The following ZFR variants were observed in gnomAD, a reference collection of about 807,000 sequenced individuals.
ZFR encodes zinc finger RNA-binding protein.
ZFR carries 19 observed loss-of-function variants against 130.7 expected under a neutral mutation model. The ratio of observed to expected loss-of-function variants is 0.15; its 90% CI spans 0.10 to 0.21. ZFR has a LOEUF of 0.21. ZFR is among the 10% of genes least tolerant of loss of function. The pLI is 1.00. For synonymous variants in ZFR, 466 were observed against 456.9 expected (o/e 1.02, Z -0.25); for missense variants, 872 against 1,321.5 (o/e 0.66, Z 5.27).
chr5:32,415,818 T>C (rs1753814532), intron 4 of ZFR, among the ~76,000 whole-genome samples: 1 of 152,154 alleles, frequency 6.6e-6, no homozygotes, highest in Non-Finnish European at 1.5e-5. Context: ...ACAATGTATA[T>C]TTTGAAAGAG....
rs764420361 is a variant in ZFR, at chr5:32,444,666, G to GGCT, written c.-11_-9dup. 53 of 1,510,618 alleles carry GGCT rather than the reference G, an allele frequency of 3.5e-5. No homozygotes were observed. The highest frequency in any genetic ancestry group is 3.1e-4 in the Admixed American group (14 of 44,518). The allele number at this position is 1,510,618 out of a possible 1,614,324, so 93.6% of individuals were successfully genotyped here. A position where few individuals can be genotyped will look rare whatever the true frequency, so the allele number is the denominator to read the frequency against. ...AGGGCATATGGGAATCATGGGCTCG[G>GGCT]GCTGCTGCTGCTGAACTCTGAACTC... On this transcript the variant is annotated 5_prime_UTR_variant, in exon 1 of 20. Transcript: ENST00000265069.
intron 17 of ZFR, among the ~76,000 whole-genome samples, chr5:32,376,607 C>CA (rs1554071211): frequency 1.7e-3 from 187 of 113,168 alleles, no homozygotes; most frequent in Admixed American, 6.4e-3. Flanking sequence ...GACTCTGTGT[C>CA]AAAAAAAAAG....
At chr5:32,406,258 C>CGTGT (rs1228638737) in intron 6 of ZFR, among the ~76,000 whole-genome samples, 1 of 152,192 alleles carries the variant, frequency 6.6e-6, no homozygotes, top group Non-Finnish European at 1.5e-5. Context: ...CACTTCTTTA[C>CGTGT]ACCTTCCTTG....
At chr5:32,403,443 T>G (rs774755264) in intron 7 of ZFR, 46 bp from the exon 8 acceptor site, 1 of 1,577,814 alleles carries the variant, frequency 6.3e-7, no homozygotes, top group Non-Finnish European at 8.6e-7. Flanking sequence ...TCAAATAGAT[T>G]TTGAAAAGTC....
chr5:32,367,464 GTAAATAAATAAA>G (rs10612194), intron 17 of ZFR, among the ~76,000 whole-genome samples: 2,037 of 150,256 alleles, frequency 0.014, 48 homozygotes, highest in African/African-American at 0.046. Context: ...AATAAATAAA[GTAAATAAATAAA>G]TAAATAAATA....
chr5:32,390,622 T>C (rs1178688906), intron 11 of ZFR, among the ~76,000 whole-genome samples, 185 bp from the exon 12 acceptor site: 1 of 152,124 alleles, frequency 6.6e-6, no homozygotes, highest in African/African-American at 2.4e-5. Flanking sequence ...GAAAAGAGCA[T>C]GAAAAGCAGA....
chr5:32,430,721 TAA>T (rs1168409168), intron 2 of ZFR, among the ~76,000 whole-genome samples: 1 of 151,986 alleles, frequency 6.6e-6, no homozygotes, highest in African/African-American at 2.4e-5. Flanking sequence ...CTACAGAGAT[TAA>T]GTGATGACTA....
intron 17 of ZFR, among the ~76,000 whole-genome samples, chr5:32,368,108 A>G (rs752393342): frequency 1.3e-5 from 2 of 152,172 alleles, no homozygotes; most frequent in Non-Finnish European, 2.9e-5. Flanking sequence ...TCTGGTAGAG[A>G]CAAAGACCTA....
intron 19 of ZFR, among the ~76,000 whole-genome samples, chr5:32,359,947 GAA>G (rs763208305): frequency 4.0e-5 from 5 of 123,904 alleles, no homozygotes; most frequent in Non-Finnish European, 3.5e-5. Context: ...CCGTCTTAAG[GAA>G]AAAAAAAAAA....
At chr5:32,399,131 T>G (rs1485921540) in intron 9 of ZFR, among the ~76,000 whole-genome samples, 1 of 151,380 alleles carries the variant, frequency 6.6e-6, no homozygotes, top group African/African-American at 2.4e-5. Context: ...AAAAATCAGC[T>G]GGGGGTGGTG....
chr5:32,358,174 T>C (rs1359997699), intron 19 of ZFR, among the ~76,000 whole-genome samples: 2 of 152,160 alleles, frequency 1.3e-5, no homozygotes, highest in African/African-American at 4.8e-5. Flanking sequence ...CTGGCCAACA[T>C]GGTGTAACCC....
At chr5:32,407,234 AG>A (rs1222084950) in intron 5 of ZFR, among the ~76,000 whole-genome samples, 4 of 151,896 alleles carry the variant, frequency 2.6e-5, no homozygotes, top group Non-Finnish European at 5.9e-5. Flanking sequence ...GGTGTTATAG[AG>A]GTATAAAGAC....
chr5:32,414,048 C>G (rs1436437846), intron 5 of ZFR, among the ~76,000 whole-genome samples: 1 of 152,120 alleles, frequency 6.6e-6, no homozygotes, highest in African/African-American at 2.4e-5. Flanking sequence ...CTTAATATAG[C>G]CTCTGCAGCT....
chr5:32,408,652 T>C (rs1314840257), intron 5 of ZFR, among the ~76,000 whole-genome samples: 1 of 152,230 alleles, frequency 6.6e-6, no homozygotes, highest in Non-Finnish European at 1.5e-5. Context: ...TTGTGTTCTT[T>C]TATCACATTC....
intron 5 of ZFR, among the ~76,000 whole-genome samples, chr5:32,414,123 G>A (rs1753771024): frequency 6.6e-6 from 1 of 152,242 alleles, no homozygotes; most frequent in African/African-American, 2.4e-5. Flanking sequence ...ACATACTCTG[G>A]CACTTCTAGC....
At chr5:32,432,288 T>C (rs531521159) in intron 2 of ZFR, among the ~76,000 whole-genome samples, 2 of 152,278 alleles carry the variant, frequency 1.3e-5, no homozygotes, top group South Asian at 2.1e-4. Flanking sequence ...ACACAGTCCA[T>C]ATACCTTTCA....
intron 9 of ZFR, 87 bp downstream of exon 9, chr5:32,399,920 A>C: frequency 2.6e-6 from 3 of 1,145,624 alleles, no homozygotes; most frequent in Non-Finnish European, 3.6e-6. Context: ...ACAATTAAGT[A>C]TATTTAATTT....
chr5:32,404,231 T>A, intron 6 of ZFR, 134 bp from the exon 7 acceptor site: 2 of 682,986 alleles, frequency 2.9e-6, no homozygotes, highest in South Asian at 2.2e-5. Flanking sequence ...AAAAAGGGCA[T>A]GTGGCATTCG....
At chr5:32,368,589 T>C (rs1449915203) in intron 17 of ZFR, among the ~76,000 whole-genome samples, 2 of 152,164 alleles carry the variant, frequency 1.3e-5, no homozygotes, top group Admixed American at 6.5e-5. Flanking sequence ...GTACTAAGAT[T>C]TACAATAGGG....
Sources: allele counts gnomAD v4.1 joint callset (sites outside exome capture counted in the v4.1 genomes callset), GRCh38; gene constraint gnomAD v4.1.1; transcripts MANE v1.5; gene names NCBI Gene and HGNC (gene_info 2026-07-23, HGNC 2026-07-21).